Variants in TMTC2 observed in about 807,000 individuals in gnomAD.
The protein encoded by TMTC2 is transmembrane O-mannosyltransferase targeting cadherins 2.
Under a neutral mutation model 82.4 loss-of-function variants are expected in TMTC2, and 43 were observed. The ratio of observed to expected loss-of-function variants is 0.52; its 90% CI spans 0.41 to 0.67. The LOEUF is 0.67. Ranked by LOEUF, TMTC2 falls within the 30% of genes least tolerant of loss-of-function variation. The pLI, the probability that TMTC2 is intolerant of heterozygous loss-of-function variation, is 0.00. For missense variants in TMTC2, 919 were observed against 1,012.4 expected (o/e 0.91, Z 1.25); for synonymous variants, 408 against 381.9 (o/e 1.07, Z -0.80).
intron 8 of TMTC2, among the ~76,000 whole-genome samples, chr12:83,030,405 C>A (rs1881377242): frequency 6.6e-6 from 1 of 151,640 alleles, no homozygotes; most frequent in South Asian, 2.1e-4. Flanking sequence ...CAGTTCTTTA[C>A]AAGGAAAAAG....
intron 10 of TMTC2, among the ~76,000 whole-genome samples, chr12:83,054,485 A>C (rs1455095478): frequency 1.3e-5 from 2 of 151,798 alleles, no homozygotes; most frequent in African/African-American, 4.8e-5. Flanking sequence ...AGATTGGAGG[A>C]TAGATTGGGA....
chr12:82,734,933 T>C (rs796256989), intron 1 of TMTC2, among the ~76,000 whole-genome samples: 8 of 152,288 alleles, frequency 5.3e-5, no homozygotes, highest in African/African-American at 1.9e-4. Context: ...AATGAAAGGG[T>C]CTAACAAAGA....
At chr12:83,037,941 A>G (rs1881728266) in intron 9 of TMTC2, among the ~76,000 whole-genome samples, 1 of 152,108 alleles carries the variant, frequency 6.6e-6, no homozygotes, top group African/African-American at 2.4e-5. Context: ...ATACAACTAC[A>G]AGGAAAATAG....
intron 1 of TMTC2, among the ~76,000 whole-genome samples, chr12:82,698,538 C>G (rs770060159): frequency 2.6e-5 from 4 of 152,148 alleles, no homozygotes; most frequent in Non-Finnish European, 5.9e-5. Flanking sequence ...TTAAGTACAG[C>G]TGTCCCCGCT....
intron 9 of TMTC2, 128 bp downstream of exon 9, chr12:83,031,007 T>C (rs1450231036): frequency 1.4e-5 from 9 of 646,620 alleles, no homozygotes; most frequent in Non-Finnish European, 2.5e-5. Flanking sequence ...TTTAGCCTCA[T>C]GCTATATTCC....
intron 10 of TMTC2, among the ~76,000 whole-genome samples, chr12:83,053,448 T>TA: frequency 6.6e-6 from 1 of 152,086 alleles, no homozygotes; most frequent in Admixed American, 6.6e-5. Flanking sequence ...CATACTGATT[T>TA]AACTTACCTT....
intron 1 of TMTC2, among the ~76,000 whole-genome samples, chr12:82,823,732 T>C (rs1402124586): frequency 6.6e-6 from 1 of 152,208 alleles, no homozygotes; most frequent in Non-Finnish European, 1.5e-5. Context: ...AACCCTGTTC[T>C]TGAGAAAGGG....
At chr12:83,008,337 AT>A (rs1474652413) in intron 8 of TMTC2, among the ~76,000 whole-genome samples, 1 of 152,032 alleles carries the variant, frequency 6.6e-6, no homozygotes, top group Non-Finnish European at 1.5e-5. Context: ...ATATATTGAA[AT>A]TTTTGCACAG....
At chr12:82,714,794 G>A (rs1173699694) in intron 1 of TMTC2, among the ~76,000 whole-genome samples, 1 of 152,134 alleles carries the variant, frequency 6.6e-6, no homozygotes, top group Non-Finnish European at 1.5e-5. Context: ...TTTCCTCATA[G>A]AAACAAGGGA....
At chr12:82,786,245 C>G (rs1440545676) in intron 1 of TMTC2, among the ~76,000 whole-genome samples, 1 of 152,056 alleles carries the variant, frequency 6.6e-6, no homozygotes, top group African/African-American at 2.4e-5. Flanking sequence ...TAGCTTCCTT[C>G]TTCAAAGGAA....
chr12:82,808,925 A>G (rs1347046972), intron 1 of TMTC2, among the ~76,000 whole-genome samples: 1 of 151,654 alleles, frequency 6.6e-6, no homozygotes, highest in African/African-American at 2.4e-5. Context: ...TTAAATTCTT[A>G]TATAATCTCT....
intron 8 of TMTC2, among the ~76,000 whole-genome samples, chr12:83,023,751 G>A (rs1881042170): frequency 6.6e-6 from 1 of 152,224 alleles, no homozygotes; most frequent in Non-Finnish European, 1.5e-5. Flanking sequence ...CTTGAACAGT[G>A]TGAAGCACTC....
intron 3 of TMTC2, among the ~76,000 whole-genome samples, chr12:82,923,253 A>G (rs207473181): frequency 6.6e-6 from 1 of 152,182 alleles, no homozygotes; most frequent in Admixed American, 6.5e-5. Flanking sequence ...AAATTTGAGT[A>G]TTAGTTTAAA....
intron 8 of TMTC2, among the ~76,000 whole-genome samples, chr12:83,007,246 C>A (rs1655598): frequency 6.6e-6 from 1 of 151,886 alleles, no homozygotes; most frequent in Admixed American, 6.6e-5. Context: ...GACTTAGTTT[C>A]TTCTTCTTTA....
At chr12:82,690,531 T>A in intron 1 of TMTC2, 1 of 465,414 alleles carries the variant, frequency 2.1e-6, no homozygotes, top group Non-Finnish European at 2.8e-6. Flanking sequence ...AATTAAATGG[T>A]AACATGAAAC....
chr12:83,015,265 T>A (rs1880624621), intron 8 of TMTC2, among the ~76,000 whole-genome samples: 1 of 152,188 alleles, frequency 6.6e-6, no homozygotes, highest in African/African-American at 2.4e-5. Flanking sequence ...CAGGTCAACA[T>A]ATTTCTTCCA....
chr12:82,873,213 T>TGTGTGTG (rs142938543), intron 2 of TMTC2, among the ~76,000 whole-genome samples: 72 of 143,634 alleles, frequency 5.0e-4, no homozygotes, highest in African/African-American at 1.9e-3. Context: ...TTCAAAGATG[T>TGTGTGTG]TGTGTGTGTG....
At chr12:83,100,068 C>T (rs946968061) in intron 11 of TMTC2, among the ~76,000 whole-genome samples, 4 of 151,878 alleles carry the variant, frequency 2.6e-5, no homozygotes, top group Non-Finnish European at 5.9e-5. Context: ...TCCCGGCGCC[C>T]GCCACCATGC....
chr12:82,752,879 G>T (rs186454832), intron 1 of TMTC2, among the ~76,000 whole-genome samples: 172 of 152,128 alleles, frequency 1.1e-3, no homozygotes, highest in African/African-American at 3.9e-3. Context: ...GCTGTGCCAT[G>T]GAGTAGCACA....
Sources: gnomAD v4.1 joint callset for allele counts (sites outside exome capture counted in the v4.1 genomes callset) on GRCh38, gnomAD v4.1.1 for gene constraint, MANE v1.5 for transcripts, NCBI Gene and HGNC (gene_info 2026-07-23, HGNC 2026-07-21) for gene names.